The following WDR72 variants were observed in gnomAD, a reference collection of about 807,000 sequenced individuals.
The protein encoded by WDR72 is WD repeat domain 72, also known as WD repeat-containing protein 72.
WDR72 carries 120 observed loss-of-function variants against 124.2 expected under a neutral mutation model. The ratio of observed to expected loss-of-function variants is 0.97; its 90% CI spans 0.83 to 1.12. The LOEUF is 1.12. WDR72 is among the 50% of genes most tolerant of loss of function. WDR72 has a pLI of 0.00. For missense variants in WDR72, 1,387 were observed against 1,278.8 expected (o/e 1.08, Z -1.29); for synonymous variants, 452 against 441.7 (o/e 1.02, Z -0.29).
chr15:53,594,404 A>G (rs2012662662), intron 18 of WDR72, among the ~76,000 whole-genome samples: 1 of 152,022 alleles, frequency 6.6e-6, no homozygotes, highest in Non-Finnish European at 1.5e-5. Context: ...TGCCATAAGA[A>G]TATTTTGCAA....
intron 14 of WDR72, among the ~76,000 whole-genome samples, chr15:53,647,808 C>A (rs896323165): frequency 5.9e-5 from 9 of 152,028 alleles, no homozygotes; most frequent in Non-Finnish European, 1.0e-4. Flanking sequence ...TAGATGTTTT[C>A]CAAATTGATA....
intron 18 of WDR72, among the ~76,000 whole-genome samples, chr15:53,540,554 C>T (rs1313661640): frequency 9.4e-6 from 1 of 106,532 alleles, no homozygotes; most frequent in East Asian, 2.9e-4. Flanking sequence ...AACAATACAG[C>T]AAACCAAAGG....
At chr15:53,614,323 T>C (rs1018881519) in intron 15 of WDR72, among the ~76,000 whole-genome samples, 1 of 152,102 alleles carries the variant, frequency 6.6e-6, no homozygotes, top group South Asian at 2.1e-4. Flanking sequence ...AGTAAAATCT[T>C]TGTGAAATGG....
intron 17 of WDR72, among the ~76,000 whole-genome samples, chr15:53,599,158 T>C (rs939670727): frequency 2.6e-5 from 4 of 152,102 alleles, no homozygotes; most frequent in Non-Finnish European, 2.9e-5. Context: ...TATTAAGTAT[T>C]ATATATGTTT....
In WDR72 at chr15:53,699,949, T is replaced by C; in HGVS notation, c.1570-4A>G. On this transcript the variant is annotated splice_polypyrimidine_tract_variant and splice_region_variant and intron_variant, in intron 12 of 19. Transcript: ENST00000360509. ...AAATTATCTGCTCACCCCTTAGCTG[T>C]GAAAAAACAACATGCTTATGTAAGT... The C allele has an allele frequency of 6.2e-7, 1 of 1,614,156 alleles. No individual in the cohort carries two copies. The highest frequency in any genetic ancestry group is 8.5e-7 in the Non-Finnish European group (1 of 1,180,026).
chr15:53,606,003 T>A (rs1451654480), intron 17 of WDR72, among the ~76,000 whole-genome samples: 12 of 152,118 alleles, frequency 7.9e-5, no homozygotes, highest in Admixed American at 7.9e-4. Context: ...GAGTCATGCA[T>A]CAGGCCAGTA....
At chr15:53,635,688 G>T (rs971492758) in intron 14 of WDR72, among the ~76,000 whole-genome samples, 14 of 151,972 alleles carry the variant, frequency 9.2e-5, no homozygotes. Flanking sequence ...GTGGACTACT[G>T]GGGGGGATGG....
At chr15:53,663,665 C>T (rs1485288831) in intron 14 of WDR72, among the ~76,000 whole-genome samples, 1 of 152,018 alleles carries the variant, frequency 6.6e-6, no homozygotes, top group Non-Finnish European at 1.5e-5. Flanking sequence ...GAGACATTCC[C>T]CCGGTTCTCA....
chr15:53,622,308 A>T (rs573081392), intron 14 of WDR72, among the ~76,000 whole-genome samples: 2 of 152,282 alleles, frequency 1.3e-5, no homozygotes, highest in African/African-American at 4.8e-5. Context: ...TCATTCTATT[A>T]TAAAGATACA....
At chr15:53,738,579 T>G (rs1230782268) in intron 1 of WDR72, among the ~76,000 whole-genome samples, 1 of 149,840 alleles carries the variant, frequency 6.7e-6, no homozygotes, top group African/African-American at 2.5e-5. Flanking sequence ...ACAAGCCTTT[T>G]TTTTGTTTTT....
At chr15:53,640,781 A>T (rs1364059676) in intron 14 of WDR72, among the ~76,000 whole-genome samples, 1 of 152,094 alleles carries the variant, frequency 6.6e-6, no homozygotes, top group African/African-American at 2.4e-5. Flanking sequence ...AGAAAAGCTT[A>T]AAGACTAGTT....
chr15:53,630,225 T>A (rs1360159481), intron 14 of WDR72, among the ~76,000 whole-genome samples: 1 of 152,148 alleles, frequency 6.6e-6, no homozygotes, highest in Non-Finnish European at 1.5e-5. Context: ...TAAACATCCT[T>A]CTATATAGAA....
At chr15:53,721,608 T>C (rs2140574876) in intron 3 of WDR72, among the ~76,000 whole-genome samples, 1 of 152,332 alleles carries the variant, frequency 6.6e-6, no homozygotes. Flanking sequence ...AATAGGTATC[T>C]CTTTGATACC....
chr15:53,546,815 A>G (rs1341690445), intron 18 of WDR72, among the ~76,000 whole-genome samples: 2 of 152,172 alleles, frequency 1.3e-5, no homozygotes, highest in African/African-American at 4.8e-5. Context: ...AAGGAAAATG[A>G]CTATCAGTAG....
chr15:53,694,256 A>C (rs1476228361), intron 13 of WDR72, among the ~76,000 whole-genome samples: 1 of 152,164 alleles, frequency 6.6e-6, no homozygotes, highest in East Asian at 1.9e-4. Context: ...CAATTTCAGC[A>C]TTTTTATATT....
intron 18 of WDR72, among the ~76,000 whole-genome samples, chr15:53,582,746 A>C (rs1326804116): frequency 6.6e-6 from 1 of 152,030 alleles, no homozygotes; most frequent in Non-Finnish European, 1.5e-5. Flanking sequence ...ACTAATATTT[A>C]AAGCAAATTT....
chr15:53,559,421 C>A (rs897677004), intron 18 of WDR72, among the ~76,000 whole-genome samples: 3 of 152,046 alleles, frequency 2.0e-5, no homozygotes, highest in Non-Finnish European at 4.4e-5. Context: ...CTTACAATAT[C>A]TGTAGGAAAA....
chr15:53,689,171 T>C (rs1277401783), intron 13 of WDR72, among the ~76,000 whole-genome samples: 1 of 152,088 alleles, frequency 6.6e-6, no homozygotes, highest in African/African-American at 2.4e-5. Flanking sequence ...ACTTCACGTC[T>C]AAAACACCAA....
intron 18 of WDR72, among the ~76,000 whole-genome samples, chr15:53,548,124 G>A (rs1893565452): frequency 6.6e-6 from 1 of 152,144 alleles, no homozygotes; most frequent in African/African-American, 2.4e-5. Flanking sequence ...ATCATAAAGT[G>A]GTCACCAACT....
Sources: gnomAD v4.1 joint callset for allele counts (sites outside exome capture counted in the v4.1 genomes callset) on GRCh38, gnomAD v4.1.1 for gene constraint, MANE v1.5 for transcripts, NCBI Gene and HGNC (gene_info 2026-07-23, HGNC 2026-07-21) for gene names.